The following EIF5A variants were observed in gnomAD, a reference collection of about 807,000 sequenced individuals.
EIF5A encodes the protein eukaryotic translation initiation factor 5A.
EIF5A carries 1 observed loss-of-function variant against 16.6 expected under a neutral mutation model. That is an observed-to-expected ratio of 0.06 (90% CI 0.02 to 0.28). The LOEUF (loss-of-function observed/expected upper bound fraction) is 0.28. Among genes scored for constraint, EIF5A ranks in the 10% least tolerant of loss-of-function variants. The pLI, the probability that EIF5A is intolerant of heterozygous loss-of-function variation, is 1.00. For missense variants in EIF5A, 29 were observed against 196.1 expected (o/e 0.15, Z 5.09); for synonymous variants, 80 against 73.6 (o/e 1.09, Z -0.44).
chr17:7,307,446 A>C (rs901399792), upstream of EIF5A: 3 of 997,444 alleles, frequency 3.0e-6, no homozygotes, highest in Non-Finnish European at 3.5e-6. Context: ...GAAAACGCTC[A>C]GGGTTTGTGA....
At chr17:7,310,191 TA>T in intron 2 of EIF5A, 1 of 1,292,530 alleles carries the variant, frequency 7.7e-7, no homozygotes, top group Admixed American at 2.3e-5. Flanking sequence ...TCTCCAATTC[TA>T]CGCCTTCCCC....
In EIF5A at chr17:7,308,482, G is replaced by A. The variant is rs747227766; in HGVS notation, c.-22+730G>A. On this transcript the variant is annotated intron_variant, in intron 1 of 5. Coordinates refer to ENST00000336458, the MANE Select transcript of EIF5A (RefSeq NM_001970.5). ...GCTCGGGTCCTAATCACCCCGGAGG[G>A]CCTGCTGCAGGCATATGTTAGCGCT... The A allele has an allele frequency of 4.4e-5, 60 of 1,349,372 alleles. No individual in the cohort carries two copies. The Admixed American group carries it at 5.2e-4, about 12-fold the overall frequency. The allele number at this position is 1,349,372 out of a possible 1,614,324, so 83.6% of individuals were successfully genotyped here. A position where few individuals can be genotyped will look rare whatever the true frequency, so the allele number is the denominator to read the frequency against.
At chr17:7,309,961 A>T in intron 2 of EIF5A, 161 bp downstream of exon 2, 1 of 1,543,760 alleles carries the variant, frequency 6.5e-7, no homozygotes, top group Non-Finnish European at 8.7e-7. Context: ...AGACAACTAC[A>T]CCTGCTCCCC....
Position 7,311,658 on chromosome 17 carries a change from G to A in EIF5A, c.*11+7G>A, listed in dbSNP as rs2072831517. 4 of 1,613,970 alleles carry A rather than the reference G, an allele frequency of 2.5e-6. No individual in the cohort carries two copies. The highest frequency in any genetic ancestry group is 2.5e-6 in the Non-Finnish European group (3 of 1,180,048). On this transcript the variant is annotated splice_region_variant and intron_variant, in intron 5 of 5. Transcript: ENST00000336458. Reference sequence around the variant, plus strand: ...CAAAATAACTGGCTCCCAGGTGAGTGTGACAAATCCCTCACTGTCCCCTTC... The same window carrying A: ...CAAAATAACTGGCTCCCAGGTGAGTATGACAAATCCCTCACTGTCCCCTTC...
chr17:7,308,202 G>A, intron 1 of EIF5A: 1 of 1,021,818 alleles, frequency 9.8e-7, no homozygotes. Flanking sequence ...CTCCGGCCTG[G>A]CGCAGTCTCT....
intron 1 of EIF5A, chr17:7,308,482 G>T (rs747227766): frequency 3.0e-6 from 4 of 1,349,490 alleles, no homozygotes; most frequent in Non-Finnish European, 3.9e-6. Flanking sequence ...ACCCCGGAGG[G>T]CCTGCTGCAG....
intron 1 of EIF5A, 152 bp from the exon 2 acceptor site, chr17:7,309,463 C>A: frequency 1.0e-6 from 1 of 990,668 alleles, no homozygotes; most frequent in Non-Finnish European, 1.5e-6. Context: ...ATATTTGAGC[C>A]CAGTCAGTAT....
At chr17:7,309,066 G>A (rs887957554) in intron 1 of EIF5A, among the ~76,000 whole-genome samples, 15 of 151,952 alleles carry the variant, frequency 9.9e-5, no homozygotes, top group Admixed American at 5.2e-4. Flanking sequence ...GCATGTTGGC[G>A]AGGCGGGAAT....
At chr17:7,307,911 G>T in intron 1 of EIF5A, 159 bp downstream of exon 1, 1 of 984,140 alleles carries the variant, frequency 1.0e-6, no homozygotes, top group Non-Finnish European at 1.2e-6. Context: ...GCGGGCGCGC[G>T]CCCCGGTTGG....
At chr17:7,309,527 G>A in intron 1 of EIF5A, 88 bp from the exon 2 acceptor site, 2 of 1,543,384 alleles carry the variant, frequency 1.3e-6, no homozygotes, top group Non-Finnish European at 1.8e-6. Context: ...ATAAAGAGTT[G>A]GGAAAATGTT....
At chr17:7,311,198 G>C (rs1484307870) in intron 3 of EIF5A, 76 bp downstream of exon 3, 1 of 1,584,830 alleles carries the variant, frequency 6.3e-7, no homozygotes, top group Non-Finnish European at 8.6e-7. Flanking sequence ...GGACTGACCA[G>C]GAGAGCTTGT....
At chr17:7,310,949 T>C in intron 2 of EIF5A, 69 bp from the exon 3 acceptor site, 1 of 1,530,660 alleles carries the variant, frequency 6.5e-7, no homozygotes, top group South Asian at 1.2e-5. Context: ...TCAGGCAAGG[T>C]CAATTTGAGC....
rs34026406 is a variant in EIF5A, at chr17:7,312,109, C to CT, written c.*319dup. The CT allele has an allele frequency of 0.029, 2,585 of 89,514 alleles. 110 individuals carry two copies. The highest frequency in any genetic ancestry group is 0.082 in the African/African-American group (2,161 of 26,474). 5.5% of individuals were successfully genotyped at this position (89,514 alleles called of 1,614,324 possible). ...GGGTGGGTGCTGCTTGTGGTTTAGT[C>CT]TTTTTTTTTTTTTTTTTTTTAATTC... On this transcript the variant is annotated 3_prime_UTR_variant, in exon 6 of 6. Transcript: ENST00000336458.
At position 7,312,457 on chromosome 17, in the gene EIF5A, C is replaced by G; in HGVS notation, c.*647C>G. 3.0e-6 allele frequency: 1 copy of G among 338,740 alleles called. No homozygotes were observed. 21.0% of individuals were successfully genotyped at this position (338,740 alleles called of 1,614,324 possible). A position where few individuals can be genotyped will look rare whatever the true frequency, so the allele number is the denominator to read the frequency against. On this transcript the variant is annotated 3_prime_UTR_variant, in exon 6 of 6. Coordinates refer to ENST00000336458, the MANE Select transcript of EIF5A (RefSeq NM_001970.5). ...ATAAAACTACAAGTTTAATATGAAG[C>G]CCCCAACTCAGCTGCTTATTTGAAT...
intron 1 of EIF5A, 142 bp downstream of exon 1, chr17:7,307,894 G>A (rs2072673470): frequency 2.0e-6 from 2 of 984,990 alleles, no homozygotes; most frequent in Non-Finnish European, 1.2e-6. Flanking sequence ...GCGAGGTGAG[G>A]AGAGGCGCGG....
intron 2 of EIF5A, 37 bp downstream of exon 2, chr17:7,309,837 C>T: frequency 1.2e-6 from 2 of 1,614,204 alleles, no homozygotes; most frequent in Non-Finnish European, 1.7e-6. Context: ...CTTCCCCATG[C>T]CTCCAGTATC....
intron 1 of EIF5A, 137 bp downstream of exon 1, chr17:7,307,889 G>A (rs1233397092): frequency 1.0e-6 from 1 of 985,148 alleles, no homozygotes; most frequent in African/African-American, 1.8e-5. Flanking sequence ...GCGGCGCGAG[G>A]TGAGGAGAGG....
chr17:7,307,750 G>C lies in EIF5A; in HGVS notation c.-24G>C. 3.0e-6 allele frequency: 3 copies of C among 1,008,790 alleles called. No individual in the cohort carries two copies. The highest frequency in any genetic ancestry group is 3.6e-6 in the Non-Finnish European group (3 of 844,594). 62.5% of individuals were successfully genotyped at this position (1,008,790 alleles called of 1,614,324 possible). On this transcript the variant is annotated splice_region_variant and 5_prime_UTR_variant, in exon 1 of 6. Coordinates refer to ENST00000336458, the MANE Select transcript of EIF5A (RefSeq NM_001970.5). ...CGGGGTCGAGTCAGTGCGTTCGCGC[G>C]AGGTGAGAGCGGGCAGGGCGCGTGT...
At chr17:7,307,100 A>T (rs1457417024), upstream of EIF5A, 6 of 1,600,892 alleles carry the variant, frequency 3.7e-6, no homozygotes, top group Non-Finnish European at 5.1e-6. Context: ...CCCACAGAGC[A>T]AGTTTTCTGA....
Sources: gnomAD v4.1 joint callset for allele counts (sites outside exome capture counted in the v4.1 genomes callset) on GRCh38, gnomAD v4.1.1 for gene constraint, MANE v1.5 for transcripts, NCBI Gene and HGNC (gene_info 2026-07-23, HGNC 2026-07-21) for gene names.